The following CRB1 variants were observed in gnomAD, a reference collection of about 807,000 sequenced individuals.
CRB1 encodes the protein protein crumbs homolog 1.
CRB1 carries 83 observed loss-of-function variants against 120.0 expected under a neutral mutation model. The observed-to-expected ratio is 0.69, with a 90% CI of 0.58 to 0.83. CRB1 has a LOEUF of 0.83. CRB1 is among the 40% of genes least tolerant of loss of function. CRB1 has a pLI of 0.00. For synonymous variants in CRB1, 625 were observed against 612.5 expected, an observed-to-expected ratio of 1.02 and a Z score of -0.30; for missense variants, 1,699 against 1,687.6, an observed-to-expected ratio of 1.01 and a Z score of -0.12.
the CRB1 span, among the ~76,000 whole-genome samples, chr1:197,253,659 TA>T: frequency 6.6e-6 from 1 of 152,130 alleles, no homozygotes; most frequent in African/African-American, 2.4e-5. Context: ...AAATACAGAT[TA>T]TTTTTGGAAA....
At chr1:197,398,271 G>A (rs530385067) in intron 5 of CRB1, among the ~76,000 whole-genome samples, 5 of 152,144 alleles carry the variant, frequency 3.3e-5, no homozygotes, top group East Asian at 1.9e-4. Context: ...CTAAATATTG[G>A]TGCTGCTTAG....
At chr1:197,305,758 T>A (rs545463082) in intron 1 of CRB1, among the ~76,000 whole-genome samples, 5 of 152,020 alleles carry the variant, frequency 3.3e-5, no homozygotes, top group Non-Finnish European at 7.4e-5. Context: ...TCAAATACCT[T>A]CAATCCTTGT....
chr1:197,460,809 A>C (rs963050415), intron 11 of CRB1, among the ~76,000 whole-genome samples: 1 of 152,156 alleles, frequency 6.6e-6, no homozygotes, highest in African/African-American at 2.4e-5. Context: ...AATATTTCTT[A>C]ATTGTAAAAT....
intron 11 of CRB1, among the ~76,000 whole-genome samples, chr1:197,460,139 G>T (rs994211229): frequency 6.6e-6 from 1 of 151,160 alleles, no homozygotes; most frequent in South Asian, 2.1e-4. Context: ...TTCTGGGGAG[G>T]TTCAGATATG....
chr1:197,213,032 A>G, the CRB1 span, among the ~76,000 whole-genome samples: 1 of 152,206 alleles, frequency 6.6e-6, no homozygotes, highest in African/African-American at 2.4e-5. Context: ...AATTGAAACT[A>G]TGAAAGTACT....
At chr1:197,351,296 G>T (rs904135548) in intron 4 of CRB1, among the ~76,000 whole-genome samples, 5 of 147,924 alleles carry the variant, frequency 3.4e-5, no homozygotes, top group Admixed American at 2.1e-4. Context: ...GGAGGCGGAG[G>T]TTGCAGTGAG....
chr1:197,466,272 C>G (rs991371918), intron 11 of CRB1, among the ~76,000 whole-genome samples: 1 of 152,182 alleles, frequency 6.6e-6, no homozygotes, highest in African/African-American at 2.4e-5. Context: ...TAATGCAGGT[C>G]TGAGGCATAA....
At chr1:197,346,748 C>G (rs1394242722) in intron 3 of CRB1, among the ~76,000 whole-genome samples, 1 of 152,198 alleles carries the variant, frequency 6.6e-6, no homozygotes, top group Admixed American at 6.5e-5. Flanking sequence ...TAATTCCAGT[C>G]ATTCCGTTAA....
chr1:197,343,677 A>G (rs1330821245), intron 2 of CRB1, among the ~76,000 whole-genome samples: 1 of 152,224 alleles, frequency 6.6e-6, no homozygotes, highest in Non-Finnish European at 1.5e-5. Context: ...TTTTGTGGAA[A>G]AAAGTGTTTT....
At chr1:197,346,387 C>T (rs1007657800) in intron 3 of CRB1, among the ~76,000 whole-genome samples, 27 of 152,042 alleles carry the variant, frequency 1.8e-4, no homozygotes, top group African/African-American at 6.0e-4. Context: ...AGCCCTTTGG[C>T]AACAGGGTTT....
chr1:197,346,066 G>A (rs1486951100), intron 3 of CRB1, among the ~76,000 whole-genome samples: 2 of 152,044 alleles, frequency 1.3e-5, no homozygotes, highest in Non-Finnish European at 2.9e-5. Context: ...GGACAGAAAC[G>A]ACACAACTTT....
At chr1:197,429,033 A>C in intron 7 of CRB1, 1 of 1,501,040 alleles carries the variant, frequency 6.7e-7, no homozygotes, top group Non-Finnish European at 9.0e-7. Flanking sequence ...CTAAGTACCA[A>C]GTTTCACTGT....
At chr1:197,280,771 A>G (rs1490893417) in intron 1 of CRB1, among the ~76,000 whole-genome samples, 1 of 151,874 alleles carries the variant, frequency 6.6e-6, no homozygotes, top group African/African-American at 2.4e-5. Context: ...TCTAGTAGAT[A>G]TTTCACTGTT....
At chr1:197,381,516 C>T (rs1661955868) in intron 5 of CRB1, among the ~76,000 whole-genome samples, 1 of 152,174 alleles carries the variant, frequency 6.6e-6, no homozygotes, top group African/African-American at 2.4e-5. Context: ...ATTCAGGCAT[C>T]AATTTAATCT....
At chr1:197,221,724 A>G in the CRB1 span, among the ~76,000 whole-genome samples, 371 of 152,328 alleles carry the variant, frequency 2.4e-3, no homozygotes, top group African/African-American at 8.2e-3. Context: ...AAGAGGCTGT[A>G]TGAACCTGTT....
At chr1:197,406,282 C>T (rs1663389854) in intron 5 of CRB1, among the ~76,000 whole-genome samples, 1 of 152,152 alleles carries the variant, frequency 6.6e-6, no homozygotes, top group South Asian at 2.1e-4. Context: ...TTACCCCCAA[C>T]CCTGTGCTCT....
chr1:197,268,633 G>T, intron 1 of CRB1, 151 bp downstream of exon 1: 1 of 628,226 alleles, frequency 1.6e-6, no homozygotes, highest in Non-Finnish European at 2.8e-6. Flanking sequence ...CTGTGTTAAA[G>T]AAATCAGTGA....
At chr1:197,439,210 G>A (rs1665312705) in intron 10 of CRB1, 1 of 164,888 alleles carries the variant, frequency 6.1e-6, no homozygotes, top group Non-Finnish European at 1.3e-5. Context: ...ATTAGAATAT[G>A]TATTTGAGTG....
intron 2 of CRB1, among the ~76,000 whole-genome samples, chr1:197,340,085 T>C (rs1383838295): frequency 6.6e-6 from 1 of 152,088 alleles, no homozygotes; most frequent in Non-Finnish European, 1.5e-5. Context: ...GTAGATAAAA[T>C]AGAAAAATAA....
Sources: allele counts gnomAD v4.1 joint callset (sites outside exome capture counted in the v4.1 genomes callset), GRCh38; gene constraint gnomAD v4.1.1; transcripts MANE v1.5; gene names NCBI Gene and HGNC (gene_info 2026-07-23, HGNC 2026-07-21).